TBC1D22A: variants seen among roughly 807,000 people sequenced by gnomAD.
TBC1D22A encodes the protein TBC1 domain family member 22A.
TBC1D22A carries 38 observed loss-of-function variants against 60.2 expected under a neutral mutation model. The ratio of observed to expected loss-of-function variants is 0.63; its 90% CI spans 0.49 to 0.83. The LOEUF (loss-of-function observed/expected upper bound fraction) is 0.83. Among genes scored for constraint, TBC1D22A ranks in the 40% least tolerant of loss-of-function variants. The probability of loss-of-function intolerance (pLI) is 0.00; values close to 1 mark genes in which losing one functional copy is unlikely to be tolerated. For missense variants in TBC1D22A, 628 were observed against 701.0 expected, an observed-to-expected ratio of 0.90 and a Z score of 1.18; for synonymous variants, 302 against 281.7, an observed-to-expected ratio of 1.07 and a Z score of -0.72.
intron 12 of TBC1D22A, among the ~76,000 whole-genome samples, chr22:47,117,996 G>A (rs1409570952): frequency 4.6e-5 from 7 of 152,160 alleles, no homozygotes; most frequent in South Asian, 4.2e-4. Context: ...GCTGGTGGGC[G>A]CCTATAATCC....
intron 9 of TBC1D22A, among the ~76,000 whole-genome samples, chr22:46,991,344 A>T (rs542392728): frequency 2.0e-5 from 3 of 152,184 alleles, no homozygotes; most frequent in Admixed American, 2.0e-4. Flanking sequence ...GAAGACGTCA[A>T]GGGGATCCGT....
intron 4 of TBC1D22A, among the ~76,000 whole-genome samples, chr22:46,852,344 G>T (rs996195827): frequency 6.6e-6 from 1 of 151,852 alleles, no homozygotes; most frequent in Non-Finnish European, 1.5e-5. Context: ...CAGGGTGGCG[G>T]CTGCTGCTGC....
intron 4 of TBC1D22A, among the ~76,000 whole-genome samples, chr22:46,807,925 C>G (rs1002255510): frequency 1.3e-5 from 2 of 152,114 alleles, no homozygotes; most frequent in Non-Finnish European, 2.9e-5. Flanking sequence ...TATGATCATG[C>G]CACTGCACTC....
chr22:47,165,417 C>A (rs1279416304), intron 12 of TBC1D22A, among the ~76,000 whole-genome samples: 2 of 152,178 alleles, frequency 1.3e-5, no homozygotes, highest in African/African-American at 2.4e-5. Flanking sequence ...TATCGCTGCC[C>A]CTCTCGCCTG....
At chr22:46,895,670 C>T (rs1016346032) in intron 7 of TBC1D22A, among the ~76,000 whole-genome samples, 7 of 152,190 alleles carry the variant, frequency 4.6e-5, no homozygotes, top group African/African-American at 1.2e-4. Flanking sequence ...CGGCGCCCGG[C>T]GTCTCTCATT....
chr22:46,795,531 C>A (rs762999727), intron 3 of TBC1D22A, among the ~76,000 whole-genome samples: 1 of 152,228 alleles, frequency 6.6e-6, no homozygotes, highest in African/African-American at 2.4e-5. Flanking sequence ...AGGCAGCTTG[C>A]GCTGGGAGAA....
intron 11 of TBC1D22A, among the ~76,000 whole-genome samples, chr22:47,080,617 C>G (rs2064422412): frequency 8.7e-6 from 1 of 114,894 alleles, no homozygotes; most frequent in Non-Finnish European, 1.8e-5. Context: ...AACCATATAC[C>G]TGTAAAAATA....
intron 10 of TBC1D22A, among the ~76,000 whole-genome samples, chr22:47,002,449 C>G (rs1178651227): frequency 6.6e-6 from 1 of 152,168 alleles, no homozygotes; most frequent in Non-Finnish European, 1.5e-5. Context: ...TGTCATGCAT[C>G]TTTTGTGACA....
chr22:46,772,986 A>T (rs191468604), intron 1 of TBC1D22A, among the ~76,000 whole-genome samples: 1 of 152,262 alleles, frequency 6.6e-6, no homozygotes, highest in Non-Finnish European at 1.5e-5. Context: ...AAAAGAAGTC[A>T]TCTCTGTTTT....
At chr22:46,804,542 A>C (rs1278009324) in intron 4 of TBC1D22A, among the ~76,000 whole-genome samples, 1 of 152,172 alleles carries the variant, frequency 6.6e-6, no homozygotes, top group African/African-American at 2.4e-5. Flanking sequence ...GGCATGCGAG[A>C]GCCTCAGTGA....
At chr22:46,991,535 C>T (rs1430263780) in intron 9 of TBC1D22A, among the ~76,000 whole-genome samples, 1 of 152,200 alleles carries the variant, frequency 6.6e-6, no homozygotes, top group Non-Finnish European at 1.5e-5. Context: ...CAGCAGAAGG[C>T]AGTGTGGACA....
intron 4 of TBC1D22A, among the ~76,000 whole-genome samples, chr22:46,853,768 T>A (rs571912614): frequency 6.6e-6 from 1 of 152,194 alleles, no homozygotes; most frequent in East Asian, 1.9e-4. Context: ...TACTGAGCAC[T>A]CACTCGAGGC....
chr22:46,846,252 G>C (rs566785186), intron 4 of TBC1D22A, among the ~76,000 whole-genome samples: 21 of 152,324 alleles, frequency 1.4e-4, no homozygotes, highest in African/African-American at 5.1e-4. Flanking sequence ...TAGCTGTTGT[G>C]ATCTTTCAAT....
chr22:46,837,070 A>C (rs2086556038), intron 4 of TBC1D22A, among the ~76,000 whole-genome samples: 1 of 151,968 alleles, frequency 6.6e-6, no homozygotes. Flanking sequence ...TGTTAACGTG[A>C]ACTATGATCA....
rs553558885 is a variant in TBC1D22A, at chr22:47,127,785, A to C, written c.1425+16182A>C. On this transcript the variant is annotated intron_variant, in intron 12 of 12. Transcript: ENST00000337137. ...AGTGGGCTTCCACGCATCAGGGCTC[A>C]CAGATGTGCTGCTCTTGGCGCCTGC... Among the ~76,000 whole-genome samples, 5 of 152,022 alleles carry C rather than the reference A, an allele frequency of 3.3e-5. No homozygotes were observed. In the East Asian group the frequency reaches 9.7e-4, roughly 30 times the overall value.
Position 46,777,277 on chromosome 22 carries a change from C to A in TBC1D22A, c.62+14429C>A, listed in dbSNP as rs944867808. 2.0e-5 allele frequency among the ~76,000 whole-genome samples: 3 copies of A among 152,048 alleles called. No individual in the cohort carries two copies. Among genetic ancestry groups the A allele is most frequent in the Non-Finnish European group, 4.4e-5 (3 of 68,016 alleles). ...GACATGGGCCAGTGAGAGCCAGGGG[C>A]CGCCAGAAGAGGGCTCGAGGGAGAG... On this transcript the variant is annotated intron_variant, in intron 1 of 12. Coordinates refer to ENST00000337137, the MANE Select transcript of TBC1D22A (RefSeq NM_014346.5). This position sits in a 1 kb window ranked among gnomAD's most constrained non-coding sequence, Gnocchi z 4.5.
intron 9 of TBC1D22A, among the ~76,000 whole-genome samples, chr22:46,985,148 A>G (rs1399294580): frequency 6.6e-6 from 1 of 152,242 alleles, no homozygotes; most frequent in African/African-American, 2.4e-5. Flanking sequence ...TCTGATGCCC[A>G]GGAAGTTGGC....
chr22:46,911,334 C>G (rs16995962), intron 7 of TBC1D22A, among the ~76,000 whole-genome samples: 1 of 151,982 alleles, frequency 6.6e-6, no homozygotes, highest in African/African-American at 2.4e-5. Context: ...AATGGTGATA[C>G]CTTTTCAGAG....
At chr22:47,050,441 T>C (rs2063171181) in intron 11 of TBC1D22A, among the ~76,000 whole-genome samples, 1 of 152,264 alleles carries the variant, frequency 6.6e-6, no homozygotes, top group Admixed American at 6.5e-5. Flanking sequence ...TCCAAAAGTT[T>C]CCCGTGTTTT....
Sources: allele counts gnomAD v4.1 joint callset (sites outside exome capture counted in the v4.1 genomes callset), GRCh38; gene constraint gnomAD v4.1.1; non-coding constraint Gnocchi (gnomAD v3.1); transcripts MANE v1.5; gene names NCBI Gene and HGNC (gene_info 2026-07-23, HGNC 2026-07-21).